Variants in SAMD12 observed in about 807,000 individuals in gnomAD.
The protein encoded by SAMD12 is sterile alpha motif domain-containing protein 12.
Under a neutral mutation model 15.0 loss-of-function variants are expected in SAMD12, and 9 were observed. That is an observed-to-expected ratio of 0.60 (90% CI 0.36 to 1.05). The LOEUF is 1.05. SAMD12 is among the 50% of genes least tolerant of loss of function. The pLI, the probability that SAMD12 is intolerant of heterozygous loss-of-function variation, is 0.01. For missense variants in SAMD12, 230 were observed against 234.2 expected (o/e 0.98, Z 0.12); for synonymous variants, 86 against 90.1 (o/e 0.96, Z 0.25).
intron 4 of SAMD12, among the ~76,000 whole-genome samples, chr8:118,320,249 A>C (rs2130445655): frequency 6.6e-6 from 1 of 152,336 alleles, no homozygotes; most frequent in Non-Finnish European, 1.5e-5. Flanking sequence ...GAAAGTCCAA[A>C]AACATCAGAC....
At chr8:118,363,960 A>G (rs1265649503) in intron 4 of SAMD12, among the ~76,000 whole-genome samples, 1 of 152,256 alleles carries the variant, frequency 6.6e-6, no homozygotes, top group Non-Finnish European at 1.5e-5. Flanking sequence ...CACTGGTGAT[A>G]AAGTGAAGAT....
At chr8:118,514,818 T>C (rs958770622) in intron 2 of SAMD12, among the ~76,000 whole-genome samples, 1 of 152,200 alleles carries the variant, frequency 6.6e-6, no homozygotes, top group Non-Finnish European at 1.5e-5. Context: ...AAAGGACATC[T>C]GTACTTAGGA....
intron 1 of SAMD12, among the ~76,000 whole-genome samples, chr8:118,593,677 G>A (rs1031027646): frequency 6.6e-6 from 1 of 152,130 alleles, no homozygotes; most frequent in African/African-American, 2.4e-5. Context: ...TTTAACACTG[G>A]GAGAACCCAA....
chr8:118,424,645 G>A (rs10955877), intron 3 of SAMD12, among the ~76,000 whole-genome samples: 112,986 of 152,054 alleles, frequency 0.74, 42,336 homozygotes, highest in African/African-American at 0.82. Flanking sequence ...GGGATCAAAC[G>A]TAGTGTCCTA....
At chr8:118,421,880 T>G (rs930760989) in intron 3 of SAMD12, among the ~76,000 whole-genome samples, 2 of 152,194 alleles carry the variant, frequency 1.3e-5, no homozygotes, top group Non-Finnish European at 2.9e-5. Flanking sequence ...ATTTGGAGAC[T>G]GTCATTCAAT....
chr8:118,325,769 T>C (rs1228929853), intron 4 of SAMD12, among the ~76,000 whole-genome samples: 1 of 152,228 alleles, frequency 6.6e-6, no homozygotes, highest in East Asian at 1.9e-4. Context: ...TTATCCTTGA[T>C]TGTAGTCCTC....
intron 3 of SAMD12, among the ~76,000 whole-genome samples, chr8:118,427,542 G>C (rs981696833): frequency 6.6e-6 from 1 of 152,150 alleles, no homozygotes; most frequent in African/African-American, 2.4e-5. Flanking sequence ...CATATGATTG[G>C]AATCACATAA....
chr8:118,406,011 G>A (rs896419542), intron 3 of SAMD12, among the ~76,000 whole-genome samples: 1 of 152,036 alleles, frequency 6.6e-6, no homozygotes, highest in South Asian at 2.1e-4. Flanking sequence ...GAAGAATACA[G>A]CAAGGTTCAA....
chr8:118,223,250 A>T (rs1812119292), intron 4 of SAMD12, among the ~76,000 whole-genome samples: 1 of 152,024 alleles, frequency 6.6e-6, no homozygotes, highest in Non-Finnish European at 1.5e-5. Flanking sequence ...ATACACTCTT[A>T]CTTCTAGAGT....
In SAMD12 at chr8:118,494,572, G is replaced by A. The variant is rs189314000; in HGVS notation, c.193-54611C>T. Among the ~76,000 whole-genome samples, 15 of 152,232 alleles carry A rather than the reference G, an allele frequency of 9.9e-5. No individual in the cohort carries two copies. In the East Asian group the frequency reaches 2.9e-3, roughly 29 times the overall value. ...AATATTTGCTGAATTAATCAATGAA[G>A]GACATCGTGCCTCTGTACATAGCGC... On this transcript the variant is annotated intron_variant, in intron 2 of 3. Coordinates refer to ENST00000314727, the MANE Select transcript of SAMD12 (RefSeq NM_207506.3).
Position 118,446,196 on chromosome 8 carries a change from C to T in SAMD12, c.193-6235G>A, listed in dbSNP as rs73708498. 5.2e-3 allele frequency among the ~76,000 whole-genome samples: 773 copies of T among 149,850 alleles called. 8 individuals carry two copies. Among genetic ancestry groups the T allele is most frequent in the African/African-American group, 0.018 (741 of 40,568 alleles). ...TGAGAACCACTGTTTAAAGACATCA[C>T]TGTTGTAGTGTCTTTTTTTTTTTTT... On this transcript the variant is annotated intron_variant, in intron 2 of 3. Coordinates refer to ENST00000314727, the MANE Select transcript of SAMD12 (RefSeq NM_207506.3).
intron 1 of SAMD12, among the ~76,000 whole-genome samples, chr8:118,613,261 AAAGG>A (rs1828151833): frequency 6.6e-6 from 1 of 152,234 alleles, no homozygotes; most frequent in Non-Finnish European, 1.5e-5. Context: ...AAAGAGTGAG[AAAGG>A]AAGAAAAGGA....
In SAMD12 at chr8:118,335,431, G is replaced by C. The variant is rs548115138; in HGVS notation, c.433+44129C>G. Among the ~76,000 whole-genome samples, 6 of 152,262 alleles carry C rather than the reference G, an allele frequency of 3.9e-5. No individual in the cohort carries two copies. The East Asian group carries it at 1.2e-3, about 29-fold the overall frequency. ...CACTATTTAGGGGACTTGACATAAA[G>C]CTACTTTGTCCGAAGTCCCAAGTAC... On this transcript the variant is annotated intron_variant, in intron 4 of 4. Coordinates refer to the SAMD12 transcript ENST00000409003.
At chr8:118,243,154 G>A (rs952612987) in intron 4 of SAMD12, among the ~76,000 whole-genome samples, 1 of 152,182 alleles carries the variant, frequency 6.6e-6, no homozygotes, top group African/African-American at 2.4e-5. Flanking sequence ...TAGTAACATG[G>A]TTAGATTTCA....
intron 2 of SAMD12, among the ~76,000 whole-genome samples, chr8:118,474,568 G>C (rs1012930571): frequency 6.6e-6 from 1 of 150,438 alleles, no homozygotes. Context: ...TGTATTTTTA[G>C]TAGAAAGGGG....
chr8:118,373,926 C>T (rs1010246402), downstream of SAMD12, among the ~76,000 whole-genome samples: 2 of 152,068 alleles, frequency 1.3e-5, no homozygotes, highest in Non-Finnish European at 2.9e-5. Flanking sequence ...ATGATGATTT[C>T]AAAAGCTTGC....
chr8:118,401,866 T>G (rs1414951402), intron 3 of SAMD12, among the ~76,000 whole-genome samples: 1 of 152,226 alleles, frequency 6.6e-6, no homozygotes, highest in African/African-American at 2.4e-5. Context: ...CCTTGAGATT[T>G]TATTTTCAGA....
At chr8:118,515,185 A>ATTTTTTTTTTTTTTT (rs55864364) in intron 2 of SAMD12, among the ~76,000 whole-genome samples, 13 of 103,310 alleles carry the variant, frequency 1.3e-4, no homozygotes, top group East Asian at 2.6e-4. Context: ...CGCCCAGCTA[A>ATTTTTTTTTTTTTTT]TTTTTTTTTT....
intron 4 of SAMD12, among the ~76,000 whole-genome samples, chr8:118,257,348 C>A (rs947612685): frequency 2.6e-5 from 4 of 152,082 alleles, no homozygotes; most frequent in African/African-American, 9.7e-5. Flanking sequence ...AGTGACCTAT[C>A]TGAAATGCTG....
Sources: allele counts gnomAD v4.1 joint callset (sites outside exome capture counted in the v4.1 genomes callset), GRCh38; gene constraint gnomAD v4.1.1; transcripts MANE v1.5; gene names NCBI Gene and HGNC (gene_info 2026-07-23, HGNC 2026-07-21).